The following EXOC6B variants were observed in gnomAD, a reference collection of about 807,000 sequenced individuals.
EXOC6B encodes exocyst complex component 6B, also known as SEC15 homolog B.
EXOC6B carries 54 observed loss-of-function variants against 113.5 expected under a neutral mutation model. The observed-to-expected ratio is 0.48, with a 90% CI of 0.38 to 0.60. EXOC6B has a LOEUF of 0.60. EXOC6B is among the 20% of genes least tolerant of loss of function. EXOC6B has a pLI of 0.00. For missense variants in EXOC6B, 797 were observed against 977.5 expected (o/e 0.82, Z 2.46); for synonymous variants, 357 against 339.0 (o/e 1.05, Z -0.58).
intron 8 of EXOC6B, among the ~76,000 whole-genome samples, chr2:72,543,386 G>T (rs535741397): frequency 6.7e-6 from 1 of 149,854 alleles, no homozygotes. Context: ...GCTTGAAAAG[G>T]AGTTATCAGA....
intron 6 of EXOC6B, among the ~76,000 whole-genome samples, chr2:72,664,540 C>G (rs942330309): frequency 6.6e-6 from 1 of 152,212 alleles, no homozygotes; most frequent in Admixed American, 6.5e-5. Context: ...AGAGGCATAA[C>G]TCCAACCTGA....
intron 8 of EXOC6B, among the ~76,000 whole-genome samples, chr2:72,532,984 A>G (rs988913544): frequency 1.3e-5 from 2 of 152,124 alleles, no homozygotes; most frequent in Non-Finnish European, 2.9e-5. Context: ...ACCTATAATA[A>G]CTTTCCCTAA....
At chr2:72,477,753 C>G (rs1698835967) in intron 17 of EXOC6B, among the ~76,000 whole-genome samples, 1 of 152,334 alleles carries the variant, frequency 6.6e-6, no homozygotes, top group East Asian at 1.9e-4. Flanking sequence ...CATTGCCAGA[C>G]TGACCCCCTT....
At chr2:72,678,638 A>C (rs2104532806) in intron 6 of EXOC6B, among the ~76,000 whole-genome samples, 1 of 152,296 alleles carries the variant, frequency 6.6e-6, no homozygotes, top group East Asian at 1.9e-4. Context: ...CCCAGGAGGC[A>C]GAGGTTGCTG....
At chr2:72,617,747 T>G (rs1211527568) in intron 6 of EXOC6B, among the ~76,000 whole-genome samples, 1 of 151,844 alleles carries the variant, frequency 6.6e-6, no homozygotes. Flanking sequence ...ATTCCCAACC[T>G]CAAGTGATCA....
intron 18 of EXOC6B, among the ~76,000 whole-genome samples, chr2:72,458,714 GC>G (rs1697412641): frequency 6.6e-6 from 1 of 152,052 alleles, no homozygotes; most frequent in Admixed American, 6.6e-5. Context: ...TTACAGTACA[GC>G]CTTGCAAGAA....
chr2:72,656,470 ATCT>A (rs1674582872), intron 6 of EXOC6B, among the ~76,000 whole-genome samples: 1 of 152,148 alleles, frequency 6.6e-6, no homozygotes, highest in African/African-American at 2.4e-5. Context: ...AAAGCTTCAC[ATCT>A]ATGCAAGGAA....
At chr2:72,427,845 A>C (rs1017618856) in intron 18 of EXOC6B, among the ~76,000 whole-genome samples, 3 of 152,140 alleles carry the variant, frequency 2.0e-5, no homozygotes, top group Non-Finnish European at 4.4e-5. Context: ...AGTCCTGCCC[A>C]TGGCCACCCA....
At chr2:72,519,069 A>G (rs1002076744) in intron 8 of EXOC6B, among the ~76,000 whole-genome samples, 19 of 152,160 alleles carry the variant, frequency 1.2e-4, no homozygotes, top group Admixed American at 1.2e-3. Context: ...GTATTTGTGA[A>G]TTTGCCTACT....
chr2:72,663,771 T>C (rs1049527158), intron 6 of EXOC6B, among the ~76,000 whole-genome samples: 4 of 152,186 alleles, frequency 2.6e-5, no homozygotes, highest in Non-Finnish European at 4.4e-5. Context: ...AATATTGCTA[T>C]GGTATATGTC....
rs148318268 is a variant in EXOC6B, at chr2:72,561,327, G to A, written c.847-1806C>T. The stretch of plus-strand genomic sequence containing the variant: ...AAAAAAATATTTAAAAGTTTGATCT[G>A]TATAGGAAATGACACGTTTTTCTTT... On this transcript the variant is annotated intron_variant, in intron 7 of 21. Transcript: ENST00000272427. Among the ~76,000 whole-genome samples, 279 of 152,180 alleles carry A rather than the reference G, an allele frequency of 1.8e-3. 1 individual carries two copies. Among genetic ancestry groups the A allele is most frequent in the African/African-American group, 6.5e-3 (270 of 41,568 alleles).
chr2:72,516,705 A>G (rs986785200), intron 8 of EXOC6B, among the ~76,000 whole-genome samples: 75 of 152,198 alleles, frequency 4.9e-4, no homozygotes, highest in African/African-American at 1.6e-3. Context: ...AAATAGCACT[A>G]TAACTTCCTA....
At chr2:72,559,322 C>A in intron 8 of EXOC6B, 131 bp downstream of exon 8, 2 of 522,274 alleles carry the variant, frequency 3.8e-6, no homozygotes, top group Non-Finnish European at 6.3e-6. Context: ...TTATAATTAA[C>A]AGTCCTTAAA....
intron 18 of EXOC6B, among the ~76,000 whole-genome samples, chr2:72,422,987 C>T (rs540801829): frequency 6.6e-6 from 1 of 152,116 alleles, no homozygotes; most frequent in Non-Finnish European, 1.5e-5. Flanking sequence ...GCAACCTGCT[C>T]GGGTCCCCTT....
chr2:72,337,212 G>C (rs1468469765), intron 19 of EXOC6B, among the ~76,000 whole-genome samples: 1 of 152,082 alleles, frequency 6.6e-6, no homozygotes, highest in Admixed American at 6.6e-5. Context: ...TACAGCCACA[G>C]CTATTCTTTT....
intron 19 of EXOC6B, among the ~76,000 whole-genome samples, chr2:72,371,675 A>G (rs1691027970): frequency 6.6e-6 from 1 of 152,140 alleles, no homozygotes; most frequent in African/African-American, 2.4e-5. Flanking sequence ...GGGTATTAAC[A>G]TTACCTCAAC....
At chr2:72,586,683 C>G (rs200328604) in intron 6 of EXOC6B, among the ~76,000 whole-genome samples, 1 of 151,896 alleles carries the variant, frequency 6.6e-6, no homozygotes, top group Admixed American at 6.6e-5. Context: ...ACCTGGGAGG[C>G]AGAGGTTGCA....
At chr2:72,267,052 CTGT>C (rs1196061014) in intron 20 of EXOC6B, among the ~76,000 whole-genome samples, 1 of 152,070 alleles carries the variant, frequency 6.6e-6, no homozygotes, top group Non-Finnish European at 1.5e-5. Context: ...ATTTGGCTCT[CTGT>C]TTGTCTGTTA....
intron 14 of EXOC6B, among the ~76,000 whole-genome samples, chr2:72,495,790 A>G (rs2105564490): frequency 6.6e-6 from 1 of 152,352 alleles, no homozygotes; most frequent in South Asian, 2.1e-4. Context: ...AGCAATAAAA[A>G]TGAATGAACA....
Sources: gnomAD v4.1 joint callset for allele counts (sites outside exome capture counted in the v4.1 genomes callset) on GRCh38, gnomAD v4.1.1 for gene constraint, MANE v1.5 for transcripts, NCBI Gene and HGNC (gene_info 2026-07-23, HGNC 2026-07-21) for gene names.